DDX59: variants seen among roughly 807,000 people sequenced by gnomAD.
DDX59 encodes DEAD-box helicase 59, also known as probable ATP-dependent RNA helicase DDX59.
DDX59 carries 30 observed loss-of-function variants against 51.9 expected under a neutral mutation model. The observed-to-expected ratio is 0.58, with a 90% confidence interval of 0.43 to 0.78. The LOEUF (loss-of-function observed/expected upper bound fraction) is 0.78. Ranked by LOEUF, DDX59 falls within the 30% of genes least tolerant of loss-of-function variation. The pLI is 0.00. For missense variants in DDX59, 672 were observed against 730.8 expected (o/e 0.92, Z 0.93); for synonymous variants, 255 against 253.3 (o/e 1.01, Z -0.06).
intron 1 of DDX59, among the ~76,000 whole-genome samples, chr1:200,669,234 A>C (rs1403462188): frequency 1.3e-5 from 2 of 152,140 alleles, no homozygotes; most frequent in Non-Finnish European, 1.5e-5. Flanking sequence ...ACTAATAAAT[A>C]TTTTTCTTAA....
Position 200,663,986 on chromosome 1 carries a change from T to A in DDX59, c.905A>T (p.Lys302Ile). 1 of 1,614,224 alleles carries A rather than the reference T, an allele frequency of 6.2e-7. No individual in the cohort carries two copies. The highest frequency in any genetic ancestry group is 8.5e-7 in the Non-Finnish European group (1 of 1,180,032). ...TAAGCCCCCTACAAGAAGCACAGTT[T>A]TCATGCGTGGCAGGCCACTCATCAA... ...KELMSGLPRM[K>I]TVLLVGGLPL... Residue 302 changes from lysine to isoleucine, a missense_variant, in exon 3 of 8, where the codon AAA becomes ATA. By Grantham distance (102) the Lys-to-Ile change is moderately radical (BLOSUM62 -3). Coordinates refer to ENST00000331314, the MANE Select transcript of DDX59 (RefSeq NM_001031725.6).
rs139398102 is a variant in DDX59 at position 200,666,609 on chromosome 1, A to T, written c.132T>A (p.Ala44=). 120 of 1,614,086 alleles carry T rather than the reference A, an allele frequency of 7.4e-5. No individual in the cohort carries two copies. Among genetic ancestry groups the T allele is most frequent in the Admixed American group, 2.0e-4 (12 of 60,000 alleles). ...LDKSRDVPVD[A]VATEAATIDR... ...CTATTGTGGCTGCTTCTGTAGCTAC[A>T]GCATCAACGGGAACATCTCTGCTTT... Residue 44 remains alanine, a synonymous_variant, in exon 2 of 8, where the codon GCT becomes GCA. Transcript: ENST00000331314.
chr1:200,651,937 G>A (rs1661688406), intron 4 of DDX59, among the ~76,000 whole-genome samples: 1 of 150,068 alleles, frequency 6.7e-6, no homozygotes, highest in Non-Finnish European at 1.5e-5. Context: ...GAACCCGAGA[G>A]GCGGAGCTTG....
chr1:200,664,601 CTTT>C (rs924182877), intron 2 of DDX59, among the ~76,000 whole-genome samples: 1 of 151,524 alleles, frequency 6.6e-6, no homozygotes, highest in African/African-American at 2.4e-5. Context: ...CAATCTAGCA[CTTT>C]TTTTTTCTCA....
At chr1:200,657,734 G>C (rs1190160388) in intron 4 of DDX59, among the ~76,000 whole-genome samples, 1 of 145,070 alleles carries the variant, frequency 6.9e-6, no homozygotes, top group Non-Finnish European at 1.5e-5. Context: ...GGATGACAGA[G>C]CAAGACTCTG....
At chr1:200,642,076 G>C (rs866664500), downstream of DDX59, among the ~76,000 whole-genome samples, 14 of 152,104 alleles carry the variant, frequency 9.2e-5, no homozygotes, top group Admixed American at 5.2e-4. Flanking sequence ...GGCATTAAAA[G>C]TATCTTATAA....
chr1:200,643,582 G>A (rs568163729), downstream of DDX59, among the ~76,000 whole-genome samples: 179 of 152,242 alleles, frequency 1.2e-3, no homozygotes, highest in African/African-American at 4.3e-3. Context: ...GGCAGAGCTT[G>A]CAGTGAGCCG....
Position 200,649,169 on chromosome 1 carries a change from C to G in DDX59, c.1372G>C (p.Asp458His). 5 of 1,599,020 alleles carry G rather than the reference C, an allele frequency of 3.1e-6. No homozygotes were observed. The highest frequency in any genetic ancestry group is 1.4e-5 in the African/African-American group (1 of 73,950). ...TTCTGAACGGCTTCACTCAAAAGATCTGCTCCTAGTTTGCAGTCCACAAAT... is the reference window on the plus strand; with the variant it reads ...TTCTGAACGGCTTCACTCAAAAGATGTGCTCCTAGTTTGCAGTCCACAAAT... ...LVFVDCKLGA[D>H]LLSEAVQKIT... The change falls in exon 6 of 8, where the codon GAT becomes CAT. Residue 458 changes from aspartate to histidine, a missense_variant. Coordinates refer to ENST00000331314, the MANE Select transcript of DDX59 (RefSeq NM_001031725.6).
At chr1:200,658,603 G>A (rs1297284487) in intron 4 of DDX59, among the ~76,000 whole-genome samples, 1 of 152,142 alleles carries the variant, frequency 6.6e-6, no homozygotes, top group East Asian at 1.9e-4. Context: ...GGCTGAGGTG[G>A]GTGGATCACT....
At chr1:200,642,371 TTCTC>T (rs562427628), downstream of DDX59, among the ~76,000 whole-genome samples, 153 of 152,184 alleles carry the variant, frequency 1.0e-3, 5 homozygotes, top group Non-Finnish European at 7.5e-4. Context: ...GAGTAAGTCC[TTCTC>T]TCTTGTTTAG....
At chr1:200,666,972 G>A (rs1284566162) in intron 1 of DDX59, among the ~76,000 whole-genome samples, 1 of 151,724 alleles carries the variant, frequency 6.6e-6, no homozygotes, top group Non-Finnish European at 1.5e-5. Context: ...ACTGGGCATG[G>A]TGGCATGTGC....
At position 200,666,282 on chromosome 1, in the gene DDX59, C is replaced by T; in HGVS notation, c.459G>A (p.Lys153=). ...GTGGAGACTCTGGCTCAGAATCAGC[C>T]TTCTGTGGATTGCTGAGTTTTGATT... ...EEKSKLSNPQ[K]ADSEPESPLN... The change falls in exon 2 of 8, where the codon AAG becomes AAA. Residue 153 remains lysine, a synonymous_variant. Coordinates refer to ENST00000331314, the MANE Select transcript of DDX59 (RefSeq NM_001031725.6). 1 of 1,614,210 alleles carries T rather than the reference C, an allele frequency of 6.2e-7. No homozygotes were observed. Among genetic ancestry groups the T allele is most frequent in the Non-Finnish European group, 8.5e-7 (1 of 1,180,036 alleles).
chr1:200,649,843 CTT>C (rs777404977), intron 5 of DDX59, among the ~76,000 whole-genome samples: 19 of 139,930 alleles, frequency 1.4e-4, no homozygotes, highest in Admixed American at 1.4e-4. Context: ...TAACTTAATA[CTT>C]TTTTTTTTTT....
intron 1 of DDX59, among the ~76,000 whole-genome samples, chr1:200,669,173 TAC>T (rs1478029249): frequency 6.6e-6 from 1 of 152,346 alleles, no homozygotes; most frequent in Non-Finnish European, 1.5e-5. Flanking sequence ...TTTGCAAAAT[TAC>T]AGTTATTGGG....
In DDX59 at chr1:200,666,471, G is replaced by C. The variant is rs373422256; in HGVS notation, c.270C>G (p.Pro90=). Residue 90 remains proline, a synonymous_variant, in exon 2 of 8, where the codon CCC becomes CCG. Transcript: ENST00000331314. The part of the protein sequence containing the change: ...GAKDSHPSEE[P]VKSFSKTQRW... Reference sequence around the variant, plus strand: ...GCTGTGTTTTGGAAAATGACTTAACGGGCTCTTCAGAAGGATGGCTGTCCT... The same window carrying C: ...GCTGTGTTTTGGAAAATGACTTAACCGGCTCTTCAGAAGGATGGCTGTCCT... 1 of 1,614,076 alleles carries C rather than the reference G, an allele frequency of 6.2e-7. No individual in the cohort carries two copies. Among genetic ancestry groups the C allele is most frequent in the African/African-American group, 1.3e-5 (1 of 75,008 alleles).
intron 1 of DDX59, among the ~76,000 whole-genome samples, chr1:200,668,388 G>T (rs1020639684): frequency 1.3e-5 from 2 of 151,944 alleles, no homozygotes; most frequent in African/African-American, 4.8e-5. Context: ...TGGCACTGTG[G>T]ATCCAGAGCA....
intron 1 of DDX59, among the ~76,000 whole-genome samples, chr1:200,668,653 G>T (rs1392285255): frequency 6.6e-6 from 1 of 152,160 alleles, no homozygotes; most frequent in Non-Finnish European, 1.5e-5. Context: ...GGAAAAATCT[G>T]CATTTGGTGA....
intron 2 of DDX59, 51 bp downstream of exon 2, chr1:200,665,886 C>T: frequency 1.3e-6 from 2 of 1,503,708 alleles, no homozygotes; most frequent in Non-Finnish European, 1.8e-6. Context: ...TTGGTAAATA[C>T]CTCACTTGTT....
At position 200,663,968 on chromosome 1, in the gene DDX59, C is replaced by T; in HGVS notation, c.923G>A (p.Gly308Glu). 6.2e-7 allele frequency: 1 copy of T among 1,614,168 alleles called. No homozygotes were observed. Among genetic ancestry groups the T allele is most frequent in the Non-Finnish European group, 8.5e-7 (1 of 1,180,032 alleles). Residue 308 changes from glycine (G) to glutamate (E), a missense_variant, in exon 3 of 8, where the codon GGG becomes GAG. Physicochemically the swap from Gly to Glu is moderately conservative, Grantham distance 98. Coordinates refer to ENST00000331314, the MANE Select transcript of DDX59 (RefSeq NM_001031725.6). Reference protein sequence around the residue: ...LPRMKTVLLVGGLPLPPQLYR... With the variant: ...LPRMKTVLLVEGLPLPPQLYR... ...AAGCTGTGGGGGTAAGGGTAAGCCC[C>T]CTACAAGAAGCACAGTTTTCATGCG...
Sources: allele counts gnomAD v4.1 joint callset (sites outside exome capture counted in the v4.1 genomes callset), GRCh38; gene constraint gnomAD v4.1.1; transcripts MANE v1.5; gene names NCBI Gene and HGNC (gene_info 2026-07-23, HGNC 2026-07-21).